CARMIL1: variants seen among roughly 807,000 people sequenced by gnomAD.
CARMIL1 encodes the protein capping protein regulator and myosin 1 linker 1.
A neutral mutation model predicts 177.1 loss-of-function variants in CARMIL1; 90 were observed. The observed-to-expected ratio is 0.51, with a 90% CI of 0.43 to 0.61. The LOEUF (loss-of-function observed/expected upper bound fraction) is 0.61, where lower values mean the gene tolerates loss of function less well. Ranked by LOEUF, CARMIL1 falls within the 20% of genes least tolerant of loss-of-function variation. The probability of loss-of-function intolerance (pLI) is 0.00; values close to 1 mark genes in which losing one functional copy is unlikely to be tolerated. For synonymous variants in CARMIL1, 577 were observed against 606.2 expected (o/e 0.95, Z 0.71); for missense variants, 1,380 against 1,667.0 (o/e 0.83, Z 3.00).
At chr6:25,446,924 T>G (rs1581973826) in intron 5 of CARMIL1, among the ~76,000 whole-genome samples, 1 of 152,206 alleles carries the variant, frequency 6.6e-6, no homozygotes, top group African/African-American at 2.4e-5. Flanking sequence ...AGTGGAGCAG[T>G]GAGATCACAC....
At chr6:25,433,731 G>A (rs571189687) in intron 4 of CARMIL1, among the ~76,000 whole-genome samples, 1 of 152,244 alleles carries the variant, frequency 6.6e-6, no homozygotes, top group African/African-American at 2.4e-5. Flanking sequence ...CACAGAAGTG[G>A]TATTTATCAA....
intron 20 of CARMIL1, among the ~76,000 whole-genome samples, chr6:25,514,850 A>G (rs1805811038): frequency 6.6e-6 from 1 of 151,984 alleles, no homozygotes; most frequent in Non-Finnish European, 1.5e-5. Context: ...CTTGAGCCCA[A>G]GAGGTCAAGG....
chr6:25,402,597 T>G (rs934753789), intron 2 of CARMIL1, among the ~76,000 whole-genome samples: 1 of 152,228 alleles, frequency 6.6e-6, no homozygotes, highest in Non-Finnish European at 1.5e-5. Context: ...TGTGTAGTGA[T>G]TTTTTCTTCT....
chr6:25,476,822 G>T (rs896993191), intron 11 of CARMIL1, among the ~76,000 whole-genome samples: 9 of 152,106 alleles, frequency 5.9e-5, no homozygotes, highest in Non-Finnish European at 1.0e-4. Context: ...TGGGCGCGGT[G>T]GCTCACGACT....
chr6:25,354,648 G>A (rs1302483415), intron 2 of CARMIL1, among the ~76,000 whole-genome samples: 2 of 150,152 alleles, frequency 1.3e-5, no homozygotes, highest in Non-Finnish European at 3.0e-5. Flanking sequence ...TAAGGGTGGT[G>A]AAGTGAAAAG....
intron 2 of CARMIL1, among the ~76,000 whole-genome samples, chr6:25,309,167 C>A (rs1783545879): frequency 1.3e-5 from 2 of 152,002 alleles, no homozygotes. Context: ...AGATTACAGG[C>A]ATGAGCCATC....
At chr6:25,473,918 G>A (rs1801294427) in intron 11 of CARMIL1, among the ~76,000 whole-genome samples, 4 of 152,296 alleles carry the variant, frequency 2.6e-5, no homozygotes, top group South Asian at 4.1e-4. Flanking sequence ...CATGGGTAGA[G>A]AGAGGAGTCA....
intron 2 of CARMIL1, among the ~76,000 whole-genome samples, chr6:25,392,938 C>G (rs908268876): frequency 8.0e-5 from 12 of 150,616 alleles, no homozygotes; most frequent in African/African-American, 2.9e-4. Flanking sequence ...CCTTTTTTCC[C>G]TCCCTTCATT....
At chr6:25,450,445 C>T (rs765442409) in intron 7 of CARMIL1, 36 bp downstream of exon 7, 4 of 1,497,442 alleles carry the variant, frequency 2.7e-6, no homozygotes, top group African/African-American at 1.4e-5. Flanking sequence ...TGAGCACACA[C>T]ACTCCTGGAG....
Position 25,546,669 on chromosome 6 carries a change from C to CAA in CARMIL1, c.2329-4220_2329-4219dup, listed in dbSNP as rs58285338. Among the ~76,000 whole-genome samples the CAA allele has an allele frequency of 2.3e-3, 262 of 115,452 alleles. 2 individuals carry two copies. The highest frequency in any genetic ancestry group is 3.1e-3 in the Admixed American group (34 of 11,136). 75.7% of individuals were successfully genotyped at this position (115,452 alleles called of 152,430 possible). On this transcript the variant is annotated intron_variant, in intron 26 of 36. Coordinates refer to ENST00000329474, the MANE Select transcript of CARMIL1 (RefSeq NM_017640.6). ...GATCCCGTCTCAACAACAACAACAA[C>CAA]AAAAAAAAAAAAAAAAAAAAAATTG...
chr6:25,336,164 GC>G (rs1222712277), intron 2 of CARMIL1, among the ~76,000 whole-genome samples: 1 of 150,604 alleles, frequency 6.6e-6, no homozygotes, highest in Admixed American at 6.7e-5. Context: ...ACTGTTTTCT[GC>G]CCCCTGTCTC....
Position 25,550,993 on chromosome 6 carries a change from T to C in CARMIL1, c.2412T>C (p.Ile804=). 1 of 1,613,592 alleles carries C rather than the reference T, an allele frequency of 6.2e-7. No homozygotes were observed. The highest frequency in any genetic ancestry group is 1.1e-5 in the South Asian group (1 of 91,078). Residue 804 remains isoleucine (I), a synonymous_variant, in exon 27 of 37, where the codon ATT becomes ATC. Coordinates refer to ENST00000329474, the MANE Select transcript of CARMIL1 (RefSeq NM_017640.6). ...MKKAHIRQDL[I]HASTEKISIP... ...AAGCCCACATTCGACAAGACTTGATTCATGCCAGCACCGAAAAGATTTCTA... is the reference window on the plus strand; with the variant it reads ...AAGCCCACATTCGACAAGACTTGATCCATGCCAGCACCGAAAAGATTTCTA...
chr6:25,498,089 C>A (rs1022740807), intron 16 of CARMIL1, among the ~76,000 whole-genome samples: 1 of 152,156 alleles, frequency 6.6e-6, no homozygotes. Flanking sequence ...CTTGGTCTTT[C>A]ATTTTCCCTC....
chr6:25,389,443 G>T (rs77016882), intron 2 of CARMIL1, among the ~76,000 whole-genome samples: 4,499 of 152,262 alleles, frequency 0.03, 87 homozygotes, highest in Middle Eastern at 0.1. Context: ...AGCCTCCCAA[G>T]AAGCTGGGGA....
At chr6:25,587,187 A>C (rs1173496947) in intron 31 of CARMIL1, among the ~76,000 whole-genome samples, 1 of 152,146 alleles carries the variant, frequency 6.6e-6, no homozygotes, top group Non-Finnish European at 1.5e-5. Flanking sequence ...CACCTCTACC[A>C]CTCCAAAAAC....
At chr6:25,602,043 G>A (rs908185520) in intron 33 of CARMIL1, among the ~76,000 whole-genome samples, 2 of 152,200 alleles carry the variant, frequency 1.3e-5, no homozygotes, top group African/African-American at 2.4e-5. Context: ...TAACTACATG[G>A]CAGGTGTAGG....
intron 2 of CARMIL1, among the ~76,000 whole-genome samples, chr6:25,351,210 C>T (rs1474239636): frequency 6.6e-6 from 1 of 151,882 alleles, no homozygotes; most frequent in Non-Finnish European, 1.5e-5. Context: ...ATTTCAAAGA[C>T]CTACTGTGAA....
At chr6:25,328,036 T>C (rs776233676) in intron 2 of CARMIL1, among the ~76,000 whole-genome samples, 21 of 152,190 alleles carry the variant, frequency 1.4e-4, no homozygotes, top group Non-Finnish European at 2.9e-4. Context: ...CTGGGGTCTT[T>C]AGGTTTATTA....
At chr6:25,444,145 C>T (rs959467563) in intron 5 of CARMIL1, among the ~76,000 whole-genome samples, 3 of 152,088 alleles carry the variant, frequency 2.0e-5, no homozygotes, top group Non-Finnish European at 4.4e-5. Context: ...TTTACCACAT[C>T]AATTGACCCT....
Sources: gnomAD v4.1 joint callset for allele counts (sites outside exome capture counted in the v4.1 genomes callset) on GRCh38, gnomAD v4.1.1 for gene constraint, MANE v1.5 for transcripts, NCBI Gene and HGNC (gene_info 2026-07-23, HGNC 2026-07-21) for gene names.